Variants in GLIS3 observed in about 807,000 individuals in gnomAD.
GLIS3 encodes the protein GLIS family zinc finger 3.
GLIS3 carries 53 observed loss-of-function variants against 78.6 expected under a neutral mutation model. That is an observed-to-expected ratio of 0.67 (90% confidence interval 0.54 to 0.85). GLIS3 has a LOEUF of 0.85. Ranked by LOEUF, GLIS3 falls within the 40% of genes least tolerant of loss-of-function variation. The pLI is 0.00. For synonymous variants in GLIS3, 684 were observed against 509.9 expected (o/e 1.34, Z -4.60); for missense variants, 1,703 against 1,231.1 (o/e 1.38, Z -5.74).
At chr9:4,237,872 TG>T (rs1021738803) in intron 2 of GLIS3, among the ~76,000 whole-genome samples, 2 of 152,252 alleles carry the variant, frequency 1.3e-5, no homozygotes, top group African/African-American at 4.8e-5. Flanking sequence ...TTTATCAGTT[TG>T]ATGTGGCTTT....
chr9:3,837,052 C>T (rs10973728), intron 9 of GLIS3, among the ~76,000 whole-genome samples: 29,076 of 152,038 alleles, frequency 0.19, 3,155 homozygotes, highest in Non-Finnish European at 0.24. Flanking sequence ...GGAATATTCC[C>T]ACAGAATAAG....
chr9:4,037,670 A>C (rs1222602648), intron 4 of GLIS3, among the ~76,000 whole-genome samples: 1 of 152,120 alleles, frequency 6.6e-6, no homozygotes, highest in Non-Finnish European at 1.5e-5. Flanking sequence ...ATTTCTCAGA[A>C]ACAGAAAAAT....
chr9:4,355,085 C>G, the GLIS3 span, among the ~76,000 whole-genome samples: 1 of 148,770 alleles, frequency 6.7e-6, no homozygotes, highest in Non-Finnish European at 1.5e-5. Context: ...GAGCCGAGAT[C>G]ACACCACTGC....
rs1052549269 is a variant in GLIS3 at position 3,827,929 on chromosome 9, C to T, written c.*343G>A. The T allele has an allele frequency of 2.9e-6, 1 of 344,234 alleles. No individual in the cohort carries two copies. Among genetic ancestry groups the T allele is most frequent in the African/African-American group, 2.1e-5 (1 of 47,186 alleles). 21.3% of individuals were successfully genotyped at this position (344,234 alleles called of 1,614,324 possible). A position where few individuals can be genotyped will look rare whatever the true frequency, so the allele number is the denominator to read the frequency against. On this transcript the variant is annotated 3_prime_UTR_variant, in exon 11 of 11. Coordinates refer to ENST00000381971, the MANE Select transcript of GLIS3 (RefSeq NM_001042413.2). ...TTGGAGTTTTCAGGTAGAGTCATCC[C>T]CAAACTACATTTTCATATGCACATC...
At chr9:4,379,602 T>A in the GLIS3 span, among the ~76,000 whole-genome samples, 1 of 152,150 alleles carries the variant, frequency 6.6e-6, no homozygotes, top group Non-Finnish European at 1.5e-5. Context: ...TGCCATTGGG[T>A]GGTGGCAGTT....
intron 3 of GLIS3, among the ~76,000 whole-genome samples, chr9:4,122,496 A>T (rs635006): frequency 0.37 from 56,234 of 151,594 alleles, 10,664 homozygotes; most frequent in East Asian, 0.64. Flanking sequence ...ATCACCAAGA[A>T]TTTCTGATTT....
At chr9:4,434,985 T>C in the GLIS3 span, among the ~76,000 whole-genome samples, 1 of 152,198 alleles carries the variant, frequency 6.6e-6, no homozygotes, top group Non-Finnish European at 1.5e-5. Flanking sequence ...AGCTGTCAGG[T>C]ACCAAATTGT....
chr9:4,228,383 G>A (rs1355248066), intron 2 of GLIS3, among the ~76,000 whole-genome samples: 1 of 152,152 alleles, frequency 6.6e-6, no homozygotes, highest in African/African-American at 2.4e-5. Flanking sequence ...GTGAAGCTCT[G>A]AGAGTACATA....
intron 4 of GLIS3, among the ~76,000 whole-genome samples, chr9:4,066,905 C>A (rs993659240): frequency 2.0e-5 from 3 of 152,162 alleles, no homozygotes; most frequent in African/African-American, 4.8e-5. Context: ...TTCCGTGGAT[C>A]AGCCCCGGCT....
the GLIS3 span, among the ~76,000 whole-genome samples, chr9:4,416,514 T>C: frequency 3.9e-5 from 6 of 152,144 alleles, no homozygotes; most frequent in African/African-American, 1.4e-4. Context: ...CTTTTTGTAA[T>C]ATAAATAATA....
chr9:4,256,149 G>A (rs1245906152), intron 2 of GLIS3, among the ~76,000 whole-genome samples: 1 of 152,054 alleles, frequency 6.6e-6, no homozygotes, highest in African/African-American at 2.4e-5. Context: ...TGGAACAGAT[G>A]AGCGACCCCA....
the GLIS3 span, among the ~76,000 whole-genome samples, chr9:4,451,334 C>T: frequency 6.6e-6 from 1 of 152,152 alleles, no homozygotes; most frequent in East Asian, 1.9e-4. Context: ...TGCAGGAGCA[C>T]CCAGATTCAT....
intron 4 of GLIS3, among the ~76,000 whole-genome samples, chr9:4,056,531 C>G (rs548751134): frequency 6.6e-6 from 1 of 152,064 alleles, no homozygotes; most frequent in Non-Finnish European, 1.5e-5. Flanking sequence ...CAAATGCCAG[C>G]TTTGCAGGAG....
At chr9:4,169,770 G>A (rs1010429562) in intron 2 of GLIS3, among the ~76,000 whole-genome samples, 1 of 152,158 alleles carries the variant, frequency 6.6e-6, no homozygotes, top group African/African-American at 2.4e-5. Context: ...AGCAAATGTG[G>A]TAAAAAGTTA....
At chr9:4,435,186 C>G in the GLIS3 span, among the ~76,000 whole-genome samples, 9 of 152,338 alleles carry the variant, frequency 5.9e-5, no homozygotes, top group Non-Finnish European at 8.8e-5. Flanking sequence ...TGACTGCATG[C>G]TTGGTCTGGA....
chr9:4,296,120 A>G (rs899618631), intron 1 of GLIS3, among the ~76,000 whole-genome samples: 1 of 152,176 alleles, frequency 6.6e-6, no homozygotes, highest in Non-Finnish European at 1.5e-5. Context: ...AGAAATGTGC[A>G]TGTGACGCCA....
intron 5 of GLIS3, 21 bp downstream of exon 5, chr9:3,937,007 G>GA (rs1241840905): frequency 1.9e-6 from 3 of 1,612,016 alleles, no homozygotes; most frequent in African/African-American, 2.7e-5. Flanking sequence ...TTGGAAACTG[G>GA]AAAGCTCCTG....
chr9:4,221,145 A>G (rs1821299238), intron 2 of GLIS3, among the ~76,000 whole-genome samples: 1 of 152,230 alleles, frequency 6.6e-6, no homozygotes, highest in African/African-American at 2.4e-5. Flanking sequence ...TCACTCTTGA[A>G]TGATTCAGCA....
At chr9:4,437,428 C>G in the GLIS3 span, among the ~76,000 whole-genome samples, 16,202 of 65,578 alleles carry the variant, frequency 0.25, 1,152 homozygotes, top group East Asian at 0.34. Context: ...ATGTATCTAT[C>G]TATCTATCTA....
Sources: allele counts gnomAD v4.1 joint callset (sites outside exome capture counted in the v4.1 genomes callset), GRCh38; gene constraint gnomAD v4.1.1; transcripts MANE v1.5; gene names NCBI Gene and HGNC (gene_info 2026-07-23, HGNC 2026-07-21).